The following RBP4 variants were observed in gnomAD, a reference collection of about 807,000 sequenced individuals.
RBP4 encodes retinol-binding protein 4.
In RBP4, 9 loss-of-function variants were observed where a neutral mutation model predicts 26.2. The ratio of observed to expected loss-of-function variants is 0.34; its 90% CI spans 0.21 to 0.60. The LOEUF is 0.60. Among genes scored for constraint, RBP4 ranks in the 20% least tolerant of loss-of-function variants. The pLI is 0.80. For synonymous variants in RBP4, 114 were observed against 111.0 expected, an observed-to-expected ratio of 1.03 and a Z score of -0.17; for missense variants, 244 against 271.3, an observed-to-expected ratio of 0.90 and a Z score of 0.71.
chr10:93,599,811 A>G (rs894574286), intron 4 of RBP4, among the ~76,000 whole-genome samples: 1 of 152,220 alleles, frequency 6.6e-6, no homozygotes, highest in Non-Finnish European at 1.5e-5. Context: ...ATGTTCTTCT[A>G]CAAGTCCTCA....
At chr10:93,601,380 A>G, upstream of RBP4, 1 of 1,258,490 alleles carries the variant, frequency 7.9e-7, no homozygotes, top group South Asian at 3.3e-5. Flanking sequence ...GGGCACGGGC[A>G]GGGTCCCTGT....
intron 4 of RBP4, among the ~76,000 whole-genome samples, chr10:93,596,631 C>T (rs1204041618): frequency 6.6e-6 from 1 of 152,174 alleles, no homozygotes; most frequent in South Asian, 2.1e-4. Context: ...TCCCCTCTAC[C>T]ATCCTAGGAA....
chr10:93,597,041 TG>T (rs2058307102), intron 4 of RBP4, among the ~76,000 whole-genome samples: 1 of 152,194 alleles, frequency 6.6e-6, no homozygotes, highest in African/African-American at 2.4e-5. Context: ...TCTAGACCAG[TG>T]GTTCTCAAAC....
At chr10:93,599,263 A>AAAAT (rs771309680) in intron 4 of RBP4, among the ~76,000 whole-genome samples, 64 of 151,338 alleles carry the variant, frequency 4.2e-4, no homozygotes, top group African/African-American at 1.1e-3. Flanking sequence ...AAAAATAATA[A>AAAAT]TAAATTAAAA....
In RBP4 at chr10:93,593,973, G is replaced by A; in HGVS notation, c.418C>T (p.Leu140Phe). The change falls in exon 5 of 6, where the codon CTC becomes TTC. Residue 140 changes from leucine (L) to phenylalanine (F), a missense_variant. Transcript: ENST00000371464. The part of the protein sequence containing the change: ...DTYAVQYSCR[L>F]LNLDGTCADS... Reference sequence around the variant, plus strand: ...GCACAGGTGCCATCGAGGTTCAGGAGGCGGCAGGAGTACTGCACGGCATAC... The same window carrying A: ...GCACAGGTGCCATCGAGGTTCAGGAAGCGGCAGGAGTACTGCACGGCATAC... 1 of 1,614,030 alleles carries A rather than the reference G, an allele frequency of 6.2e-7. No homozygotes were observed. The highest frequency in any genetic ancestry group is 8.5e-7 in the Non-Finnish European group (1 of 1,180,036).
chr10:93,599,864 AG>A (rs2058325081), intron 4 of RBP4, among the ~76,000 whole-genome samples: 1 of 152,226 alleles, frequency 6.6e-6, no homozygotes, highest in Non-Finnish European at 1.5e-5. Context: ...CTTAGTGGAA[AG>A]GGAAGAGGCC....
At chr10:93,597,354 G>A (rs2058309121) in intron 4 of RBP4, among the ~76,000 whole-genome samples, 1 of 152,174 alleles carries the variant, frequency 6.6e-6, no homozygotes, top group Admixed American at 6.5e-5. Context: ...TTCTACAAGA[G>A]CACAAAACAA....
intron 4 of RBP4, among the ~76,000 whole-genome samples, chr10:93,595,474 T>C (rs1298913168): frequency 1.3e-5 from 2 of 151,928 alleles, no homozygotes; most frequent in Non-Finnish European, 2.9e-5. Context: ...AGCAAGGGAG[T>C]GTGATCCCAG....
chr10:93,593,873 C>A lies in RBP4; in HGVS notation c.518G>T (p.Arg173Leu). The A allele has an allele frequency of 6.2e-7, 1 of 1,613,046 alleles. No homozygotes were observed. Among genetic ancestry groups the A allele is most frequent in the Non-Finnish European group, 8.5e-7 (1 of 1,180,004 alleles). The change falls in exon 5 of 6, where the codon CGG (arginine) becomes CTG (leucine). Residue 173 changes from arginine to leucine, a missense_variant. Arg to Leu is a moderately radical substitution (Grantham distance 102). Coordinates refer to ENST00000371464, the MANE Select transcript of RBP4 (RefSeq NM_006744.4). ...PPEAQKIVRQ[R>L]QEELCLARQY... ...CCTGGCCAGGCACAGCTCCTCCTGC[C>A]GCTGCCTTACAATCTTCTGCGCTTC...
chr10:93,593,965 G>T lies in RBP4; in HGVS notation c.426C>A (p.Asn142Lys). The change falls in exon 5 of 6, where the codon AAC becomes AAA. Residue 142 changes from asparagine to lysine, a missense_variant. Asn to Lys is a moderately conservative substitution (Grantham distance 94). Coordinates refer to ENST00000371464, the MANE Select transcript of RBP4 (RefSeq NM_006744.4). ...AGCTGTCAGCACAGGTGCCATCGAG[G>T]TTCAGGAGGCGGCAGGAGTACTGCA... ...YAVQYSCRLL[N>K]LDGTCADSYS... The T allele has an allele frequency of 6.2e-7, 1 of 1,614,088 alleles. No individual in the cohort carries two copies. Among genetic ancestry groups the T allele is most frequent in the South Asian group, 1.1e-5 (1 of 91,082 alleles).
At position 93,600,911 on chromosome 10, in the gene RBP4, T is replaced by C. The variant is rs2058333553; in HGVS notation, c.111+7A>G. On this transcript the variant is annotated splice_region_variant and intron_variant, in intron 2 of 5. Transcript: ENST00000371464. ...GGGCCGCCTGGGCCCCCTGGGCCGATACCTACGCGAGCCTTGTCGAAGTTC... is the reference window on the plus strand; with the variant it reads ...GGGCCGCCTGGGCCCCCTGGGCCGACACCTACGCGAGCCTTGTCGAAGTTC... 1.9e-6 allele frequency: 3 copies of C among 1,612,090 alleles called. No individual in the cohort carries two copies. The African/African-American group carries it at 4.0e-5, about 22-fold the overall frequency.
At chr10:93,600,593 C>A in intron 3 of RBP4, 74 bp downstream of exon 3, 1 of 1,612,760 alleles carries the variant, frequency 6.2e-7, no homozygotes, top group Non-Finnish European at 8.5e-7. Context: ...ACAATGCCCA[C>A]GTGGCGATCA....
intron 5 of RBP4, among the ~76,000 whole-genome samples, chr10:93,592,769 T>C (rs1364608544): frequency 6.6e-6 from 1 of 152,132 alleles, no homozygotes; most frequent in African/African-American, 2.4e-5. Flanking sequence ...CTGTTTGGTG[T>C]AGTGGGTCAG....
In RBP4 at chr10:93,591,846, C is replaced by T. The variant is rs188499508; in HGVS notation, c.*229G>A. On this transcript the variant is annotated 3_prime_UTR_variant, in exon 6 of 6. Transcript: ENST00000371464. ...AAATGAAAACTAAAATCACAGGACA[C>T]GGGTGACTATAGTTTAATGAATCAG... 7.6e-5 allele frequency: 43 copies of T among 564,218 alleles called. 1 individual carries two copies. In the Admixed American group the frequency reaches 7.7e-4, roughly 10 times the overall value. 35.0% of individuals were successfully genotyped at this position (564,218 alleles called of 1,614,324 possible).
chr10:93,593,112 C>T (rs373208330), intron 5 of RBP4, among the ~76,000 whole-genome samples: 2 of 152,310 alleles, frequency 1.3e-5, no homozygotes, highest in African/African-American at 4.8e-5. Context: ...GCCACCATGC[C>T]TGGCCCATTT....
chr10:93,594,566 A>T (rs2058290688), intron 4 of RBP4, among the ~76,000 whole-genome samples: 1 of 152,154 alleles, frequency 6.6e-6, no homozygotes, highest in African/African-American at 2.4e-5. Context: ...GCCCATGGTC[A>T]CGGCTTCTCT....
At chr10:93,599,740 GA>G (rs1359427569) in intron 4 of RBP4, among the ~76,000 whole-genome samples, 2 of 152,146 alleles carry the variant, frequency 1.3e-5, no homozygotes, top group East Asian at 1.9e-4. Context: ...GATAAATGGG[GA>G]AAAAAATGGG....
chr10:93,597,908 C>T (rs538690239), intron 4 of RBP4, among the ~76,000 whole-genome samples: 23 of 152,076 alleles, frequency 1.5e-4, no homozygotes, highest in Admixed American at 4.6e-4. Flanking sequence ...GAAACTGGCA[C>T]GAGGAATGAA....
At chr10:93,594,125 G>T in intron 4 of RBP4, 90 bp from the exon 5 acceptor site, 1 of 1,206,498 alleles carries the variant, frequency 8.3e-7, no homozygotes, top group Non-Finnish European at 1.2e-6. Flanking sequence ...TGAGAACACA[G>T]TGACTTCCAG....
Sources: allele counts gnomAD v4.1 joint callset (sites outside exome capture counted in the v4.1 genomes callset), GRCh38; gene constraint gnomAD v4.1.1; transcripts MANE v1.5; gene names NCBI Gene and HGNC (gene_info 2026-07-23, HGNC 2026-07-21).